The following ZFYVE9 variants were observed in gnomAD, a reference collection of about 807,000 sequenced individuals.
ZFYVE9 encodes the protein zinc finger FYVE-type containing 9.
In ZFYVE9, 43 loss-of-function variants were observed where a neutral mutation model predicts 126.7. The ratio of observed to expected loss-of-function variants is 0.34; its 90% CI spans 0.27 to 0.44. The LOEUF is 0.44. ZFYVE9 is among the 20% of genes least tolerant of loss of function. ZFYVE9 has a pLI of 1.00. For synonymous variants in ZFYVE9, 521 were observed against 597.4 expected (o/e 0.87, Z 1.87); for missense variants, 1,476 against 1,697.0 (o/e 0.87, Z 2.29).
chr1:52,298,287 A>C (rs1645997335), intron 12 of ZFYVE9, among the ~76,000 whole-genome samples: 1 of 152,158 alleles, frequency 6.6e-6, no homozygotes, highest in Non-Finnish European at 1.5e-5. Context: ...TTGGGTTTAA[A>C]TTTAAGTCTT....
chr1:52,182,368 A>G lies in ZFYVE9; in HGVS notation c.-142-34001A>G, dbSNP rs536415596. ...TGGTTGCTGTGTCTGTGTAGAAAGAAGTAGACATGGGAGACTTTTCATTTT... is the reference window on the plus strand; with the variant it reads ...TGGTTGCTGTGTCTGTGTAGAAAGAGGTAGACATGGGAGACTTTTCATTTT... On this transcript the variant is annotated intron_variant, in intron 1 of 18. Coordinates refer to ENST00000287727, the MANE Select transcript of ZFYVE9 (RefSeq NM_004799.4). Among the ~76,000 whole-genome samples, 813 of 152,216 alleles carry G rather than the reference A, an allele frequency of 5.3e-3. 12 individuals carry two copies. The highest frequency in any genetic ancestry group is 0.019 in the African/African-American group (788 of 41,534).
chr1:52,338,064 C>A, intron 16 of ZFYVE9, 130 bp downstream of exon 16: 2 of 1,161,978 alleles, frequency 1.7e-6, no homozygotes, highest in Non-Finnish European at 2.3e-6. Context: ...GCTTTGTATG[C>A]TTAACGTAGA....
chr1:52,296,731 C>G (rs1321568296), intron 12 of ZFYVE9, among the ~76,000 whole-genome samples: 1 of 119,820 alleles, frequency 8.3e-6, no homozygotes, highest in Non-Finnish European at 1.8e-5. Flanking sequence ...CTGGGCCTCC[C>G]TTTTTAATAA....
intron 1 of ZFYVE9, among the ~76,000 whole-genome samples, chr1:52,147,902 C>A (rs1027920463): frequency 2.6e-5 from 4 of 152,000 alleles, no homozygotes; most frequent in African/African-American, 4.8e-5. Context: ...TTATAACCAT[C>A]CTAATGAGTG....
At chr1:52,151,223 T>C (rs1644353635) in intron 1 of ZFYVE9, among the ~76,000 whole-genome samples, 1 of 152,304 alleles carries the variant, frequency 6.6e-6, no homozygotes, top group Admixed American at 6.5e-5. Context: ...TTACCTTGTA[T>C]TACTTTTTGT....
intron 13 of ZFYVE9, among the ~76,000 whole-genome samples, chr1:52,321,409 T>C (rs1004186705): frequency 1.3e-5 from 2 of 152,204 alleles, no homozygotes; most frequent in Admixed American, 6.5e-5. Context: ...CTCTGGAGAA[T>C]AGTGCAGAGG....
intron 1 of ZFYVE9, among the ~76,000 whole-genome samples, chr1:52,202,070 C>T (rs1644928123): frequency 1.3e-5 from 2 of 152,298 alleles, no homozygotes; most frequent in South Asian, 4.1e-4. Flanking sequence ...AGGCGTGAGC[C>T]ACCGCACACA....
intron 8 of ZFYVE9, among the ~76,000 whole-genome samples, chr1:52,274,962 G>A (rs144712987): frequency 0.014 from 2,084 of 152,234 alleles, 29 homozygotes; most frequent in Non-Finnish European, 0.022. Flanking sequence ...CAGAAAGAAC[G>A]TATAGTAAGT....
intron 4 of ZFYVE9, among the ~76,000 whole-genome samples, chr1:52,243,161 C>T (rs1451411533): frequency 6.6e-6 from 1 of 152,182 alleles, no homozygotes; most frequent in Non-Finnish European, 1.5e-5. Flanking sequence ...ACACTGAGTG[C>T]CTGTTATTTG....
chr1:52,261,933 G>A (rs1403300016), intron 4 of ZFYVE9, among the ~76,000 whole-genome samples: 1 of 152,192 alleles, frequency 6.6e-6, no homozygotes, highest in Non-Finnish European at 1.5e-5. Flanking sequence ...GTATTACAGA[G>A]TAGTTAACTA....
rs994241681 is a variant in ZFYVE9, at chr1:52,325,557, A to G, written c.3439-7211A>G. Among the ~76,000 whole-genome samples the G allele has an allele frequency of 2.0e-5, 3 of 152,306 alleles. No homozygotes were observed. In the East Asian group the frequency reaches 5.8e-4, roughly 29 times the overall value. ...AAAACAGAAACTTATTTTATTAGAT[A>G]CCCAATCTATGTGACACTAATTACA... On this transcript the variant is annotated intron_variant, in intron 13 of 18. Transcript: ENST00000287727.
intron 12 of ZFYVE9, among the ~76,000 whole-genome samples, chr1:52,300,601 G>GA (rs533789329): frequency 2.0e-5 from 3 of 148,364 alleles, no homozygotes; most frequent in South Asian, 2.2e-4. Flanking sequence ...AAAAGAAAAA[G>GA]AAAAAAAATC....
chr1:52,216,220 T>C, intron 1 of ZFYVE9, 149 bp from the exon 2 acceptor site: 2 of 394,990 alleles, frequency 5.1e-6, no homozygotes, highest in Non-Finnish European at 8.9e-6. Flanking sequence ...CTACCTTGTA[T>C]GCAAGCCAGG....
rs1014956225 is a variant in ZFYVE9, at chr1:52,346,506, GT to G, written c.*288del. 2.1e-5 allele frequency: 8 copies of G among 383,796 alleles called. No homozygotes were observed. Among genetic ancestry groups the G allele is most frequent in the African/African-American group, 1.4e-4 (7 of 48,476 alleles). The allele number at this position is 383,796 out of a possible 1,614,324, so 23.8% of individuals were successfully genotyped here. ...TTGCAGCTAATCCCCTTCTGTTACTGTTTAGACAAGAATTCCGCTCCTCTCT... is the reference window on the plus strand; with the variant it reads ...TTGCAGCTAATCCCCTTCTGTTACTGTTAGACAAGAATTCCGCTCCTCTCT... On this transcript the variant is annotated 3_prime_UTR_variant, in exon 19 of 19. Coordinates refer to ENST00000287727, the MANE Select transcript of ZFYVE9 (RefSeq NM_004799.4).
At chr1:52,149,452 C>T (rs1644334435) in intron 1 of ZFYVE9, among the ~76,000 whole-genome samples, 1 of 152,044 alleles carries the variant, frequency 6.6e-6, no homozygotes, top group Non-Finnish European at 1.5e-5. Flanking sequence ...TTTTCTTTAA[C>T]TCTACTGAAA....
chr1:52,305,905 C>G (rs558856164), intron 13 of ZFYVE9, among the ~76,000 whole-genome samples: 2 of 152,300 alleles, frequency 1.3e-5, no homozygotes, highest in Non-Finnish European at 2.9e-5. Context: ...GCCGCCTTGG[C>G]CCCCTCTGGA....
At chr1:52,274,228 A>G (rs541315323) in intron 7 of ZFYVE9, among the ~76,000 whole-genome samples, 1 of 152,320 alleles carries the variant, frequency 6.6e-6, no homozygotes, top group Non-Finnish European at 1.5e-5. Flanking sequence ...TTCTGTCATT[A>G]CCATGATTTG....
At chr1:52,316,057 C>A (rs1481594197) in intron 13 of ZFYVE9, among the ~76,000 whole-genome samples, 1 of 134,996 alleles carries the variant, frequency 7.4e-6, no homozygotes, top group Non-Finnish European at 1.5e-5. Flanking sequence ...CCCACCTACT[C>A]GGGAGGCTGA....
At chr1:52,201,363 G>A (rs1451062816) in intron 1 of ZFYVE9, among the ~76,000 whole-genome samples, 1 of 145,168 alleles carries the variant, frequency 6.9e-6, no homozygotes, top group Non-Finnish European at 1.5e-5. Context: ...ATTCCTGGAG[G>A]GTTTTTGGTA....
Sources: allele counts gnomAD v4.1 joint callset (sites outside exome capture counted in the v4.1 genomes callset), GRCh38; gene constraint gnomAD v4.1.1; transcripts MANE v1.5; gene names NCBI Gene and HGNC (gene_info 2026-07-23, HGNC 2026-07-21).